Variants in NAV3 observed in about 807,000 individuals in gnomAD.
NAV3 encodes the protein neuron navigator 3, also known as pore membrane and/or filament interacting like protein 1.
A neutral mutation model predicts 244.7 loss-of-function variants in NAV3; 87 were observed. The observed-to-expected ratio is 0.36, with a 90% confidence interval of 0.30 to 0.42. The LOEUF (loss-of-function observed/expected upper bound fraction) is 0.42. NAV3 is among the 20% of genes least tolerant of loss of function. The pLI is 1.00. For missense variants in NAV3, 2,663 were observed against 2,893.3 expected (o/e 0.92, Z 1.83); for synonymous variants, 1,126 against 1,042.2 (o/e 1.08, Z -1.55).
chr12:77,732,944 G>A (rs1273642940), intron 2 of NAV3, among the ~76,000 whole-genome samples: 2 of 152,042 alleles, frequency 1.3e-5, no homozygotes, highest in Admixed American at 6.6e-5. Flanking sequence ...GAGGAAGAGT[G>A]TGAAGACATA....
intron 2 of NAV3, among the ~76,000 whole-genome samples, chr12:77,789,164 A>C (rs1409124392): frequency 6.6e-6 from 1 of 152,204 alleles, no homozygotes; most frequent in African/African-American, 2.4e-5. Flanking sequence ...TCCCTTAATC[A>C]GATCCAAAAT....
At chr12:77,919,036 G>A (rs1239539422) in intron 1 of NAV3, among the ~76,000 whole-genome samples, 2 of 152,018 alleles carry the variant, frequency 1.3e-5, no homozygotes, top group African/African-American at 2.4e-5. Flanking sequence ...AAAGAATGAA[G>A]CAGAGAGCCG....
intron 9 of NAV3, among the ~76,000 whole-genome samples, chr12:78,035,366 A>T (rs977130908): frequency 7.9e-5 from 12 of 152,160 alleles, no homozygotes; most frequent in Admixed American, 2.0e-4. Flanking sequence ...TGAAAGGTCG[A>T]TAGTCTTCTT....
rs772196013 is a variant in NAV3, at chr12:78,168,822, C to T, written c.4937C>T (p.Ala1646Val). Residue 1646 changes from alanine to valine, a missense_variant, in exon 24 of 40, where the codon GCG becomes GTG. Coordinates refer to ENST00000397909, the MANE Select transcript of NAV3 (RefSeq NM_001024383.2). The stretch of plus-strand genomic sequence containing the variant: ...AAGGCTCAGAATTCTGCTGCCCAGG[C>T]GGCTATTCAGGGAGCACTGAATGGT... ...MLKAQNSAAQ[A>V]AIQGALNGPD... 58 of 1,610,358 alleles carry T rather than the reference C, an allele frequency of 3.6e-5. No individual in the cohort carries two copies. Among genetic ancestry groups the T allele is most frequent in the Admixed American group, 5.0e-5 (3 of 59,700 alleles).
At chr12:78,048,547 G>T (rs1185945747) in intron 9 of NAV3, among the ~76,000 whole-genome samples, 1 of 152,310 alleles carries the variant, frequency 6.6e-6, no homozygotes, top group East Asian at 1.9e-4. Flanking sequence ...ACCAGCAAAG[G>T]CTGCAGAACA....
chr12:78,030,239 C>G (rs930495828), intron 9 of NAV3, among the ~76,000 whole-genome samples: 3 of 152,118 alleles, frequency 2.0e-5, no homozygotes, highest in African/African-American at 7.2e-5. Flanking sequence ...AATTCTAAAG[C>G]TCATGAGATG....
intron 2 of NAV3, among the ~76,000 whole-genome samples, chr12:77,768,432 G>A (rs1321894449): frequency 6.6e-6 from 1 of 152,236 alleles, no homozygotes; most frequent in African/African-American, 2.4e-5. Flanking sequence ...GCACCAAGCT[G>A]CCCTTAGTGC....
rs186854098 is a variant in NAV3 at position 77,743,819 on chromosome 12, A to G, written c.72+171553A>G. Among the ~76,000 whole-genome samples, 7 of 151,928 alleles carry G rather than the reference A, an allele frequency of 4.6e-5. No homozygotes were observed. The East Asian group carries it at 1.3e-3, about 29-fold the overall frequency. On this transcript the variant is annotated intron_variant, in intron 2 of 8. Transcript: ENST00000550042. ...AAGTTAAAATAATGACCATATCTCC[A>G]TAATCATTTGCTGTGGAAACAAGAA...
At chr12:77,793,065 C>G (rs1028952341) in intron 2 of NAV3, among the ~76,000 whole-genome samples, 1 of 152,124 alleles carries the variant, frequency 6.6e-6, no homozygotes, top group African/African-American at 2.4e-5. Context: ...CCAAATTTCT[C>G]CCACCCACAC....
intron 33 of NAV3, among the ~76,000 whole-genome samples, chr12:78,189,561 C>CAT (rs34797197): frequency 0.24 from 35,456 of 148,378 alleles, 5,385 homozygotes; most frequent in Non-Finnish European, 0.35. Context: ...CACACACACC[C>CAT]ATATATATAT....
chr12:77,778,902 T>A (rs1182786925), intron 2 of NAV3, among the ~76,000 whole-genome samples: 1 of 152,220 alleles, frequency 6.6e-6, no homozygotes, highest in East Asian at 1.9e-4. Context: ...TAGTGATTAT[T>A]GAGATTGAAT....
At position 77,631,800 on chromosome 12, in the gene NAV3, G is replaced by T. The variant is rs183291109; in HGVS notation, c.72+59534G>T. On this transcript the variant is annotated intron_variant, in intron 2 of 8. Transcript: ENST00000550042. ...CTTCATAGAAGGGAGAGACACTGGGGCACAGAGAGGTCAAGCAAGAGATCT... is the reference window on the plus strand; with the variant it reads ...CTTCATAGAAGGGAGAGACACTGGGTCACAGAGAGGTCAAGCAAGAGATCT... Among the ~76,000 whole-genome samples the T allele has an allele frequency of 4.6e-5, 7 of 152,268 alleles. No individual in the cohort carries two copies. The East Asian group carries it at 1.4e-3, about 29-fold the overall frequency.
At chr12:78,102,630 C>T (rs977629715) in intron 12 of NAV3, among the ~76,000 whole-genome samples, 1 of 152,230 alleles carries the variant, frequency 6.6e-6, no homozygotes, top group Non-Finnish European at 1.5e-5. Flanking sequence ...AGCAGAGATT[C>T]TTCATGAGGG....
intron 2 of NAV3, among the ~76,000 whole-genome samples, chr12:77,775,499 T>G (rs1224661882): frequency 6.6e-6 from 1 of 152,198 alleles, no homozygotes; most frequent in Non-Finnish European, 1.5e-5. Flanking sequence ...GAGCTCACCT[T>G]ACAATATATA....
chr12:77,828,659 T>C (rs1157248629), upstream of NAV3, among the ~76,000 whole-genome samples: 1 of 152,190 alleles, frequency 6.6e-6, no homozygotes, highest in Non-Finnish European at 1.5e-5. Flanking sequence ...TTTTTTATAG[T>C]AAGTTAGTTT....
chr12:77,867,759 A>G (rs1418958145), intron 1 of NAV3, among the ~76,000 whole-genome samples: 1 of 152,174 alleles, frequency 6.6e-6, no homozygotes, highest in Non-Finnish European at 1.5e-5. Context: ...ACAGACTAAT[A>G]CAGTAGTATA....
intron 16 of NAV3, among the ~76,000 whole-genome samples, chr12:78,124,703 C>T (rs1955831705): frequency 6.6e-6 from 1 of 152,108 alleles, no homozygotes; most frequent in Non-Finnish European, 1.5e-5. Flanking sequence ...ATCTACCCTC[C>T]TTGGCCTCCC....
intron 12 of NAV3, among the ~76,000 whole-genome samples, chr12:78,082,363 A>T (rs1419395935): frequency 6.6e-6 from 1 of 152,166 alleles, no homozygotes; most frequent in East Asian, 1.9e-4. Flanking sequence ...TTGGCTGATG[A>T]ATTATTTTGT....
In NAV3 at chr12:78,140,278, C is replaced by G. The variant is rs768069250; in HGVS notation, c.4631-4C>G. Reference sequence around the variant, plus strand: ...AACTCTATTGTTCTGTTTGTTTTCTCCAGTTCATGGCTCTTCATTATCACT... The same window carrying G: ...AACTCTATTGTTCTGTTTGTTTTCTGCAGTTCATGGCTCTTCATTATCACT... On this transcript the variant is annotated splice_polypyrimidine_tract_variant and splice_region_variant and intron_variant, in intron 19 of 39. Coordinates refer to ENST00000397909, the MANE Select transcript of NAV3 (RefSeq NM_001024383.2). 3 of 1,612,554 alleles carry G rather than the reference C, an allele frequency of 1.9e-6. No individual in the cohort carries two copies. The Admixed American group carries it at 5.0e-5, about 27-fold the overall frequency.
Sources: gnomAD v4.1 joint callset for allele counts (sites outside exome capture counted in the v4.1 genomes callset) on GRCh38, gnomAD v4.1.1 for gene constraint, MANE v1.5 for transcripts, NCBI Gene and HGNC (gene_info 2026-07-23, HGNC 2026-07-21) for gene names.